NIBAN1: variants seen among roughly 807,000 people sequenced by gnomAD.
NIBAN1 encodes the protein protein Niban 1.
NIBAN1 carries 81 observed loss-of-function variants against 75.1 expected under a neutral mutation model. That is an observed-to-expected ratio of 1.08 (90% confidence interval 0.90 to 1.30). NIBAN1 has a LOEUF of 1.30. Ranked by LOEUF, NIBAN1 falls within the 50% of genes most tolerant of loss-of-function variation. NIBAN1 has a pLI of 0.00. For missense variants in NIBAN1, 1,133 were observed against 1,128.1 expected, an observed-to-expected ratio of 1.00 and a Z score of -0.06; for synonymous variants, 436 against 424.8, an observed-to-expected ratio of 1.03 and a Z score of -0.32.
At chr1:184,859,887 A>C (rs1449788359) in intron 5 of NIBAN1, among the ~76,000 whole-genome samples, 1 of 152,162 alleles carries the variant, frequency 6.6e-6, no homozygotes, top group Non-Finnish European at 1.5e-5. Context: ...CTGCATCAGG[A>C]AAGCGGACAG....
intron 1 of NIBAN1, among the ~76,000 whole-genome samples, chr1:184,937,930 G>A (rs141598575): frequency 3.9e-5 from 6 of 152,312 alleles, no homozygotes; most frequent in Admixed American, 1.3e-4. Context: ...GAGGGACTGC[G>A]GGAGCTTGAC....
At chr1:184,940,291 A>G (rs1485777753) in intron 1 of NIBAN1, among the ~76,000 whole-genome samples, 1 of 152,218 alleles carries the variant, frequency 6.6e-6, no homozygotes, top group East Asian at 1.9e-4. Flanking sequence ...GGCTAAATAC[A>G]ATCTCCACTT....
chr1:184,934,354 A>G (rs189063530), intron 1 of NIBAN1, among the ~76,000 whole-genome samples: 1 of 152,334 alleles, frequency 6.6e-6, no homozygotes, highest in African/African-American at 2.4e-5. Flanking sequence ...GTGTTAAAAA[A>G]ACTATTGGAT....
At chr1:184,888,697 A>G (rs1285852664) in intron 4 of NIBAN1, among the ~76,000 whole-genome samples, 2 of 152,218 alleles carry the variant, frequency 1.3e-5, no homozygotes, top group African/African-American at 2.4e-5. Context: ...TCCCTCCAAT[A>G]TGATTACAGC....
chr1:184,915,538 G>T (rs1657363093), intron 1 of NIBAN1, among the ~76,000 whole-genome samples: 1 of 152,110 alleles, frequency 6.6e-6, no homozygotes, highest in African/African-American at 2.4e-5. Flanking sequence ...GAATGCTGAG[G>T]GCACTTGATC....
At chr1:184,872,186 T>A (rs1352492591) in intron 5 of NIBAN1, among the ~76,000 whole-genome samples, 1 of 151,980 alleles carries the variant, frequency 6.6e-6, no homozygotes, top group Admixed American at 6.6e-5. Context: ...TTTTTAAAAA[T>A]TGGAAATATA....
At chr1:184,882,088 A>G (rs766802824) in intron 5 of NIBAN1, among the ~76,000 whole-genome samples, 2 of 152,150 alleles carry the variant, frequency 1.3e-5, no homozygotes, top group Non-Finnish European at 2.9e-5. Context: ...CAATGAAACA[A>G]TGGCCACAGC....
chr1:184,891,882 G>A (rs189464021), intron 3 of NIBAN1, among the ~76,000 whole-genome samples: 4 of 152,194 alleles, frequency 2.6e-5, no homozygotes, highest in South Asian at 2.1e-4. Flanking sequence ...GACAAACTGC[G>A]TGGACTTTAA....
At chr1:184,914,505 A>G (rs937851963) in intron 1 of NIBAN1, among the ~76,000 whole-genome samples, 1 of 152,214 alleles carries the variant, frequency 6.6e-6, no homozygotes, top group African/African-American at 2.4e-5. Flanking sequence ...ACATGGGGCT[A>G]CTGAACACTT....
At chr1:184,968,302 A>G (rs1242225630) in intron 1 of NIBAN1, among the ~76,000 whole-genome samples, 3 of 152,218 alleles carry the variant, frequency 2.0e-5, no homozygotes, top group Non-Finnish European at 2.9e-5. Flanking sequence ...TCCCATTTCT[A>G]AAGTATTGGT....
chr1:184,883,491 T>G (rs894444941), intron 5 of NIBAN1, among the ~76,000 whole-genome samples: 1 of 152,208 alleles, frequency 6.6e-6, no homozygotes, highest in African/African-American at 2.4e-5. Flanking sequence ...AAGAGCGCAG[T>G]TATCTGTAAC....
chr1:184,913,852 G>C (rs558010050), intron 1 of NIBAN1, among the ~76,000 whole-genome samples: 1 of 152,274 alleles, frequency 6.6e-6, no homozygotes, highest in African/African-American at 2.4e-5. Flanking sequence ...CTGTTGATTG[G>C]ATGTAGGTAA....
chr1:184,904,936 A>AC (rs11383657), intron 1 of NIBAN1, among the ~76,000 whole-genome samples: 87,144 of 151,522 alleles, frequency 0.58, 26,232 homozygotes, highest in African/African-American at 0.77. Context: ...ACAGAGCGAG[A>AC]TCTGTCTCAA....
At chr1:184,818,099 T>G (rs1654588395) in intron 9 of NIBAN1, among the ~76,000 whole-genome samples, 1 of 152,234 alleles carries the variant, frequency 6.6e-6, no homozygotes, top group African/African-American at 2.4e-5. Context: ...GGTTTGTTGC[T>G]CAATTAAACT....
intron 2 of NIBAN1, among the ~76,000 whole-genome samples, chr1:184,895,894 G>A (rs1181989443): frequency 6.6e-6 from 1 of 152,066 alleles, no homozygotes; most frequent in Non-Finnish European, 1.5e-5. Context: ...GTATGATTTT[G>A]TTCTTTTTTA....
Position 184,842,661 on chromosome 1 carries a change from G to T in NIBAN1, c.602-10699C>A, listed in dbSNP as rs182764167. Among the ~76,000 whole-genome samples, 182 of 150,974 alleles carry T rather than the reference G, an allele frequency of 1.2e-3. 2 individuals carry two copies. Among genetic ancestry groups the T allele is most frequent in the African/African-American group, 4.4e-3 (181 of 40,956 alleles). ...CTAGCTACTCTAGAAGCTGAGGCAG[G>T]AGAATCACTTGAACCCGGGAGGCGG... On this transcript the variant is annotated intron_variant, in intron 5 of 13. Transcript: ENST00000367511.
chr1:184,958,401 C>CACACACACACACACAA, intron 1 of NIBAN1, among the ~76,000 whole-genome samples: 1 of 138,868 alleles, frequency 7.2e-6, no homozygotes, highest in South Asian at 2.4e-4. Context: ...CACACACACA[C>CACACACACACACACAA]AAATAGCCAA....
intron 12 of NIBAN1, among the ~76,000 whole-genome samples, chr1:184,802,533 G>T (rs1388156569): frequency 1.3e-5 from 2 of 152,152 alleles, no homozygotes; most frequent in Non-Finnish European, 2.9e-5. Context: ...TCCTATGAAA[G>T]AAATATGCCC....
At chr1:184,842,920 C>T (rs373710789) in intron 5 of NIBAN1, among the ~76,000 whole-genome samples, 4 of 151,954 alleles carry the variant, frequency 2.6e-5, no homozygotes, top group East Asian at 1.9e-4. Flanking sequence ...AAAAATGACA[C>T]AAAAGCAAAG....
Sources: allele counts gnomAD v4.1 joint callset (sites outside exome capture counted in the v4.1 genomes callset), GRCh38; gene constraint gnomAD v4.1.1; transcripts MANE v1.5; gene names NCBI Gene and HGNC (gene_info 2026-07-23, HGNC 2026-07-21).